Variants in RGS17 observed in about 807,000 individuals in gnomAD.
The protein encoded by RGS17 is regulator of G-protein signaling 17.
In RGS17, 12 loss-of-function variants were observed where a neutral mutation model predicts 25.5. That is an observed-to-expected ratio of 0.47 (90% CI 0.30 to 0.76). The LOEUF is 0.76. Ranked by LOEUF, RGS17 falls within the 30% of genes least tolerant of loss-of-function variation. RGS17 has a pLI of 0.07. For missense variants in RGS17, 196 were observed against 242.2 expected, an observed-to-expected ratio of 0.81 and a Z score of 1.27; for synonymous variants, 71 against 76.9, an observed-to-expected ratio of 0.92 and a Z score of 0.40.
In RGS17 at chr6:153,010,733, G is replaced by T. The variant is rs1207687849; in HGVS notation, c.*841C>A. Reference sequence around the variant, plus strand: ...TACACAACCATTTTAAAACTGGAGAGCCAGTCTTTAATAAATTAATTACAG... The same window carrying T: ...TACACAACCATTTTAAAACTGGAGATCCAGTCTTTAATAAATTAATTACAG... On this transcript the variant is annotated 3_prime_UTR_variant, in exon 5 of 5. Coordinates refer to ENST00000206262, the MANE Select transcript of RGS17 (RefSeq NM_012419.5). 1 of 151,858 alleles carries T rather than the reference G, an allele frequency of 6.6e-6. No homozygotes were observed. The highest frequency in any genetic ancestry group is 1.5e-5 in the Non-Finnish European group (1 of 67,870). The allele number at this position is 151,858 out of a possible 1,614,324, so 9.4% of individuals were successfully genotyped here.
At chr6:153,023,606 G>A (rs911669206) in intron 4 of RGS17, among the ~76,000 whole-genome samples, 3 of 152,176 alleles carry the variant, frequency 2.0e-5, no homozygotes, top group Admixed American at 6.5e-5. Context: ...TTGGCAATGG[G>A]AAAGACACTT....
At chr6:153,125,824 G>A (rs763837446) in intron 1 of RGS17, among the ~76,000 whole-genome samples, 9 of 152,134 alleles carry the variant, frequency 5.9e-5, no homozygotes, top group Non-Finnish European at 1.2e-4. Context: ...CAGCCTGGGT[G>A]ACAGAGTGAG....
At chr6:153,031,339 AG>A (rs1562315728) in intron 2 of RGS17, among the ~76,000 whole-genome samples, 1 of 152,142 alleles carries the variant, frequency 6.6e-6, no homozygotes, top group Admixed American at 6.5e-5. Flanking sequence ...GTTGAATGGA[AG>A]GGCAAGTTGG....
At chr6:153,089,337 T>C (rs572260849) in intron 1 of RGS17, among the ~76,000 whole-genome samples, 1 of 152,208 alleles carries the variant, frequency 6.6e-6, no homozygotes, top group African/African-American at 2.4e-5. Context: ...AACATTTATA[T>C]TTTTGAAATT....
chr6:153,008,651 T>C lies in RGS17; in HGVS notation c.*2923A>G, dbSNP rs2129104608. The C allele has an allele frequency of 6.6e-6, 1 of 152,356 alleles. No individual in the cohort carries two copies. The highest frequency in any genetic ancestry group is 1.9e-4 in the East Asian group (1 of 5,192). The allele number at this position is 152,356 out of a possible 1,614,324, so 9.4% of individuals were successfully genotyped here. A position where few individuals can be genotyped will look rare whatever the true frequency, so the allele number is the denominator to read the frequency against. On this transcript the variant is annotated 3_prime_UTR_variant, in exon 5 of 5. Transcript: ENST00000206262. ...GTGCATTAATCTCTTTCTGTGTGCA[T>C]CAGCAAATTCTAATAGTATACAAAG...
chr6:153,004,968 G>A lies in RGS17; in HGVS notation c.*6606C>T, dbSNP rs982371228. On this transcript the variant is annotated 3_prime_UTR_variant, in exon 5 of 5. Transcript: ENST00000206262. ...TGGTAGTAAAAAATTATACACATTC[G>A]ATATGTAATTTTACAAAACCAAACA... 1.3e-5 allele frequency: 2 copies of A among 152,046 alleles called. No individual in the cohort carries two copies. The highest frequency in any genetic ancestry group is 1.3e-4 in the Admixed American group (2 of 15,268). 9.4% of individuals were successfully genotyped at this position (152,046 alleles called of 1,614,324 possible).
intron 2 of RGS17, 75 bp from the exon 3 acceptor site, chr6:153,026,618 G>T: frequency 2.7e-6 from 3 of 1,115,840 alleles, no homozygotes; most frequent in Non-Finnish European, 4.0e-6. Context: ...TTTTTCTGGG[G>T]AAACATTTCA....
intron 4 of RGS17, among the ~76,000 whole-genome samples, chr6:153,020,132 ATATATATTTTTTTTTTTTTT>A (rs1749875068): frequency 1.3e-5 from 1 of 77,878 alleles, no homozygotes; most frequent in Non-Finnish European, 2.4e-5. Flanking sequence ...ATATATATAT[ATATATATTTTTTTTTTTTTT>A]TTTTTTTTTT....
chr6:153,056,502 T>G (rs1776561432), intron 1 of RGS17, among the ~76,000 whole-genome samples: 1 of 151,858 alleles, frequency 6.6e-6, no homozygotes, highest in South Asian at 2.1e-4. Context: ...TTAATTCACC[T>G]GTAAGAAGAG....
chr6:153,027,645 C>A (rs1314461930), intron 2 of RGS17, among the ~76,000 whole-genome samples: 1 of 152,126 alleles, frequency 6.6e-6, no homozygotes. Context: ...ATATTATTAT[C>A]CCCATTTTAC....
intron 1 of RGS17, among the ~76,000 whole-genome samples, chr6:153,106,104 G>C (rs1777380278): frequency 6.6e-6 from 1 of 152,112 alleles, no homozygotes; most frequent in East Asian, 1.9e-4. Flanking sequence ...TTACATATGG[G>C]TGTAACTGAG....
At chr6:153,022,077 G>A (rs553974279) in intron 4 of RGS17, among the ~76,000 whole-genome samples, 24 of 152,128 alleles carry the variant, frequency 1.6e-4, no homozygotes, top group Admixed American at 9.2e-4. Context: ...GCGTGTTGGC[G>A]GGTGCCTGTA....
chr6:153,011,025 A>C lies in RGS17; in HGVS notation c.*549T>G, dbSNP rs540635385. The C allele has an allele frequency of 1.3e-5, 2 of 152,606 alleles. No individual in the cohort carries two copies. Among genetic ancestry groups the C allele is most frequent in the East Asian group, 3.9e-4 (2 of 5,174 alleles). The allele number at this position is 152,606 out of a possible 1,614,324, so 9.5% of individuals were successfully genotyped here. On this transcript the variant is annotated 3_prime_UTR_variant, in exon 5 of 5. Transcript: ENST00000206262. ...AGATAAATAGCTCTTTTTCATGTACAGAAATATTGGCTTCAAAATTAGTGT... is the reference window on the plus strand; with the variant it reads ...AGATAAATAGCTCTTTTTCATGTACCGAAATATTGGCTTCAAAATTAGTGT...
At chr6:153,035,733 T>C (rs1424637722) in intron 2 of RGS17, among the ~76,000 whole-genome samples, 1 of 152,206 alleles carries the variant, frequency 6.6e-6, no homozygotes, top group African/African-American at 2.4e-5. Flanking sequence ...ATGAATAATT[T>C]GCTTTGAATG....
At chr6:153,014,596 A>G (rs1779164489) in intron 4 of RGS17, among the ~76,000 whole-genome samples, 1 of 152,152 alleles carries the variant, frequency 6.6e-6, no homozygotes, top group African/African-American at 2.4e-5. Flanking sequence ...TAGGAGATCG[A>G]GACCATCCTG....
At chr6:153,126,594 C>A (rs1439053138) in intron 1 of RGS17, among the ~76,000 whole-genome samples, 3 of 152,138 alleles carry the variant, frequency 2.0e-5, no homozygotes, top group Non-Finnish European at 4.4e-5. Flanking sequence ...TCCTCAAAGA[C>A]AAAAACTGCT....
chr6:153,016,853 A>G (rs1159653185), intron 4 of RGS17, among the ~76,000 whole-genome samples: 3 of 152,180 alleles, frequency 2.0e-5, no homozygotes, highest in South Asian at 2.1e-4. Context: ...CATCTATAAT[A>G]CAAGGTATTG....
At chr6:153,083,925 T>C (rs1465903611) in intron 1 of RGS17, among the ~76,000 whole-genome samples, 1 of 152,200 alleles carries the variant, frequency 6.6e-6, no homozygotes, top group Non-Finnish European at 1.5e-5. Flanking sequence ...TATGCATAAA[T>C]ATTAAAAATC....
At position 153,130,861 on chromosome 6, in the gene RGS17, G is replaced by A. The variant is rs2129128364; in HGVS notation, c.-26+263C>T. Among the ~76,000 whole-genome samples, 1 of 152,056 alleles carries A rather than the reference G, an allele frequency of 6.6e-6. No homozygotes were observed. Among genetic ancestry groups the A allele is most frequent in the African/African-American group, 2.4e-5 (1 of 41,528 alleles). On this transcript the variant is annotated intron_variant, in intron 1 of 4. Coordinates refer to ENST00000206262, the MANE Select transcript of RGS17 (RefSeq NM_012419.5). The surrounding 1 kb of genome is among the most constrained non-coding windows in gnomAD (Gnocchi z 6.4). ...CGGTTCCCTGCAGCAGCTGAGGGCGGCGAGCGGACCGCGTCCAGGCAGCGA... is the reference window on the plus strand; with the variant it reads ...CGGTTCCCTGCAGCAGCTGAGGGCGACGAGCGGACCGCGTCCAGGCAGCGA...
Sources: allele counts gnomAD v4.1 joint callset (sites outside exome capture counted in the v4.1 genomes callset), GRCh38; gene constraint gnomAD v4.1.1; non-coding constraint Gnocchi (gnomAD v3.1); transcripts MANE v1.5; gene names NCBI Gene and HGNC (gene_info 2026-07-23, HGNC 2026-07-21).